CLSTN2: variants seen among roughly 807,000 people sequenced by gnomAD.
CLSTN2 encodes calsyntenin-2.
CLSTN2 carries 48 observed loss-of-function variants against 101.2 expected under a neutral mutation model. The observed-to-expected ratio is 0.47, with a 90% confidence interval of 0.38 to 0.60. The LOEUF is 0.60. Ranked by LOEUF, CLSTN2 falls within the 20% of genes least tolerant of loss-of-function variation. CLSTN2 has a pLI of 0.00. For missense variants in CLSTN2, 1,160 were observed against 1,238.2 expected, an observed-to-expected ratio of 0.94 and a Z score of 0.95; for synonymous variants, 481 against 463.6, an observed-to-expected ratio of 1.04 and a Z score of -0.48.
At chr3:140,035,848 T>C (rs1323334362) in intron 1 of CLSTN2, among the ~76,000 whole-genome samples, 5 of 152,324 alleles carry the variant, frequency 3.3e-5, no homozygotes, top group African/African-American at 4.8e-5. Flanking sequence ...TGTGGTCTTA[T>C]TGTATTTGTT....
intron 2 of CLSTN2, among the ~76,000 whole-genome samples, chr3:140,328,123 T>C (rs1383402953): frequency 6.6e-6 from 1 of 152,232 alleles, no homozygotes; most frequent in East Asian, 1.9e-4. Context: ...AAGGGAACTA[T>C]GTATCTTCTC....
intron 1 of CLSTN2, among the ~76,000 whole-genome samples, chr3:140,172,656 G>T (rs778511802): frequency 6.6e-6 from 1 of 152,174 alleles, no homozygotes; most frequent in African/African-American, 2.4e-5. Flanking sequence ...AAAGAAAGAG[G>T]TTTAATTGGA....
intron 1 of CLSTN2, among the ~76,000 whole-genome samples, chr3:139,956,958 T>C (rs1056771118): frequency 5.9e-5 from 9 of 152,220 alleles, no homozygotes; most frequent in African/African-American, 2.2e-4. Flanking sequence ...GCAGGCTGCT[T>C]AGAGCATAGA....
At chr3:140,212,166 G>A (rs2010863802) in intron 2 of CLSTN2, among the ~76,000 whole-genome samples, 1 of 152,212 alleles carries the variant, frequency 6.6e-6, no homozygotes, top group Non-Finnish European at 1.5e-5. Context: ...GGTGCTTGCT[G>A]TGAGCATTTC....
chr3:140,530,788 A>G (rs957445879), intron 8 of CLSTN2, among the ~76,000 whole-genome samples: 11 of 152,192 alleles, frequency 7.2e-5, no homozygotes, highest in Non-Finnish European at 1.3e-4. Flanking sequence ...TCCACAGGGC[A>G]TGGGGTATGG....
At chr3:139,972,299 T>C (rs1248709843) in intron 1 of CLSTN2, among the ~76,000 whole-genome samples, 1 of 151,310 alleles carries the variant, frequency 6.6e-6, no homozygotes, top group African/African-American at 2.4e-5. Flanking sequence ...CTGGGGGGTG[T>C]GGGTTTTACA....
intron 2 of CLSTN2, among the ~76,000 whole-genome samples, chr3:140,305,189 A>G (rs1361437721): frequency 6.6e-6 from 1 of 152,034 alleles, no homozygotes; most frequent in Non-Finnish European, 1.5e-5. Flanking sequence ...ACGTGGATTC[A>G]AGCTGTCACC....
chr3:140,193,843 T>C (rs1162580925), intron 2 of CLSTN2, among the ~76,000 whole-genome samples: 1 of 152,148 alleles, frequency 6.6e-6, no homozygotes, highest in Non-Finnish European at 1.5e-5. Context: ...TTCTCTCTAA[T>C]AACTAATTGA....
chr3:140,189,287 G>A (rs1402491378), intron 2 of CLSTN2, among the ~76,000 whole-genome samples: 1 of 152,152 alleles, frequency 6.6e-6, no homozygotes, highest in Non-Finnish European at 1.5e-5. Context: ...TAGTTGCTGG[G>A]TCATATAGTA....
At chr3:140,193,879 G>A (rs1434306492) in intron 2 of CLSTN2, among the ~76,000 whole-genome samples, 1 of 151,848 alleles carries the variant, frequency 6.6e-6, no homozygotes, top group Non-Finnish European at 1.5e-5. Context: ...CTCTTTTCCT[G>A]TGCATTGATT....
intron 2 of CLSTN2, among the ~76,000 whole-genome samples, chr3:140,216,324 T>G (rs2010920937): frequency 1.3e-5 from 2 of 151,638 alleles, no homozygotes; most frequent in Non-Finnish European, 2.9e-5. Flanking sequence ...GCAGAAGGGA[T>G]GAAGGAAAGG....
chr3:139,938,140 C>CAAAAA (rs66697366), intron 1 of CLSTN2, among the ~76,000 whole-genome samples: 2,180 of 94,584 alleles, frequency 0.023, 27 homozygotes, highest in Middle Eastern at 0.033. Context: ...ATTCCCATCA[C>CAAAAA]AAAAAAAAAA....
chr3:140,214,512 G>A (rs990191824), intron 2 of CLSTN2, among the ~76,000 whole-genome samples: 11 of 152,126 alleles, frequency 7.2e-5, no homozygotes, highest in Non-Finnish European at 8.8e-5. Flanking sequence ...ATGAGTAGGT[G>A]ATCAGTATTC....
At chr3:140,384,071 C>A (rs780197963) in intron 2 of CLSTN2, among the ~76,000 whole-genome samples, 7 of 152,180 alleles carry the variant, frequency 4.6e-5, no homozygotes, top group Non-Finnish European at 1.0e-4. Flanking sequence ...TTGGAAGCAG[C>A]CAACCTTTCA....
chr3:139,992,534 A>G (rs1308471984), intron 1 of CLSTN2, among the ~76,000 whole-genome samples: 2 of 152,166 alleles, frequency 1.3e-5, no homozygotes, highest in South Asian at 2.1e-4. Context: ...TCCTGTAGGC[A>G]AAACAGAGCC....
intron 1 of CLSTN2, among the ~76,000 whole-genome samples, chr3:140,140,729 A>G (rs1243091561): frequency 6.6e-6 from 1 of 152,208 alleles, no homozygotes; most frequent in Non-Finnish European, 1.5e-5. Context: ...TCTTCTGCAA[A>G]GTAACTTGAT....
chr3:140,058,987 T>G (rs2008148716), intron 1 of CLSTN2, among the ~76,000 whole-genome samples: 1 of 151,928 alleles, frequency 6.6e-6, no homozygotes, highest in East Asian at 1.9e-4. Flanking sequence ...GAGGATAAGG[T>G]GAAAAAGTTT....
chr3:140,174,524 A>G (rs2010291127), intron 1 of CLSTN2, among the ~76,000 whole-genome samples: 1 of 152,166 alleles, frequency 6.6e-6, no homozygotes, highest in South Asian at 2.1e-4. Flanking sequence ...TACTGGTACC[A>G]ATTCACTGTA....
At chr3:140,311,472 ATTT>A (rs1241981397) in intron 2 of CLSTN2, among the ~76,000 whole-genome samples, 6 of 129,690 alleles carry the variant, frequency 4.6e-5, no homozygotes, top group Non-Finnish European at 8.2e-5. Flanking sequence ...TGCCTGGCTA[ATTT>A]TTTTTTTTTT....
Sources: gnomAD v4.1 joint callset for allele counts (sites outside exome capture counted in the v4.1 genomes callset) on GRCh38, gnomAD v4.1.1 for gene constraint, MANE v1.5 for transcripts, NCBI Gene and HGNC (gene_info 2026-07-23, HGNC 2026-07-21) for gene names.